SEMA3E: variants seen among roughly 807,000 people sequenced by gnomAD.
The protein encoded by SEMA3E is semaphorin-3E.
A neutral mutation model predicts 93.6 loss-of-function variants in SEMA3E; 49 were observed. The ratio of observed to expected loss-of-function variants is 0.52; its 90% CI spans 0.42 to 0.66. The LOEUF (loss-of-function observed/expected upper bound fraction) is 0.66, where lower values mean the gene tolerates loss of function less well. Among genes scored for constraint, SEMA3E ranks in the 30% least tolerant of loss-of-function variants. The pLI is 0.00. For missense variants in SEMA3E, 906 were observed against 964.8 expected (o/e 0.94, Z 0.81); for synonymous variants, 363 against 330.7 (o/e 1.10, Z -1.06).
At chr7:83,540,432 C>G (rs1430592331) in intron 1 of SEMA3E, among the ~76,000 whole-genome samples, 1 of 152,052 alleles carries the variant, frequency 6.6e-6, no homozygotes, top group East Asian at 1.9e-4. Flanking sequence ...GCTCTAAGAA[C>G]ATATATGATT....
At chr7:83,546,321 GGTGTGTGTGTGTGTGT>G (rs67647992) in intron 1 of SEMA3E, among the ~76,000 whole-genome samples, 3,311 of 129,464 alleles carry the variant, frequency 0.026, 140 homozygotes, top group African/African-American at 0.087. Flanking sequence ...TATAATAAGG[GGTGTGTGTGTGTGTGT>G]GTGTGTGTGT....
At chr7:83,636,526 T>G (rs1793885411) in intron 1 of SEMA3E, among the ~76,000 whole-genome samples, 1 of 152,166 alleles carries the variant, frequency 6.6e-6, no homozygotes, top group South Asian at 2.1e-4. Context: ...GTTTATTAGA[T>G]TCTAAGATTT....
chr7:83,514,332 T>C (rs1790885039), intron 1 of SEMA3E, among the ~76,000 whole-genome samples: 2 of 152,120 alleles, frequency 1.3e-5, no homozygotes, highest in African/African-American at 4.8e-5. Flanking sequence ...CACTTTGCAC[T>C]GCAGACTCGC....
rs1269586638 is a variant in SEMA3E at position 83,468,597 on chromosome 7, G to A, written c.336+646C>T. ...AAAAAGGTTAAGTTCACTTTCACAG[G>A]CAGATGTCTAGGACTTCCTCCAGGG... is the stretch of plus-strand genomic sequence containing the variant. On this transcript the variant is annotated intron_variant, in intron 3 of 16. Coordinates refer to ENST00000643230, the MANE Select transcript of SEMA3E (RefSeq NM_012431.3). 2.0e-5 allele frequency among the ~76,000 whole-genome samples: 3 copies of A among 151,776 alleles called. No individual in the cohort carries two copies. The East Asian group carries it at 5.8e-4, about 29-fold the overall frequency.
At chr7:83,372,029 C>A (rs1432892723) in intron 16 of SEMA3E, 3 of 368,324 alleles carry the variant, frequency 8.1e-6, no homozygotes, top group Non-Finnish European at 1.4e-5. Context: ...AGACCTATTT[C>A]TTTATTCTTC....
Position 83,521,607 on chromosome 7 carries a change from A to G in SEMA3E, c.116-31333T>C, listed in dbSNP as rs142613200. Among the ~76,000 whole-genome samples the G allele has an allele frequency of 3.1e-3, 476 of 152,226 alleles. 3 individuals are homozygous for G. Among genetic ancestry groups the G allele is most frequent in the African/African-American group, 8.2e-3 (340 of 41,538 alleles). Reference sequence around the variant, plus strand: ...AAAACAACAGAAATGTATTGTTTGCAGTTGTGGAGCCTGGGAAGTTCAAGA... The same window carrying G: ...AAAACAACAGAAATGTATTGTTTGCGGTTGTGGAGCCTGGGAAGTTCAAGA... On this transcript the variant is annotated intron_variant, in intron 1 of 16. Transcript: ENST00000643230.
At chr7:83,638,938 T>C (rs370648815) in intron 1 of SEMA3E, among the ~76,000 whole-genome samples, 2,064 of 149,948 alleles carry the variant, frequency 0.014, 44 homozygotes, top group African/African-American at 0.046. Flanking sequence ...GGTGAAACCC[T>C]GTCTCTACTA....
intron 1 of SEMA3E, among the ~76,000 whole-genome samples, chr7:83,525,986 A>G (rs1791150766): frequency 6.6e-6 from 1 of 151,552 alleles, no homozygotes; most frequent in South Asian, 2.1e-4. Flanking sequence ...CAGCATCAAT[A>G]TATTTCTTTA....
chr7:83,520,399 C>T (rs764805321), intron 1 of SEMA3E, among the ~76,000 whole-genome samples: 3 of 152,116 alleles, frequency 2.0e-5, no homozygotes, highest in Admixed American at 6.6e-5. Context: ...CATTTTCTCC[C>T]TTTCTCCATT....
intron 2 of SEMA3E, among the ~76,000 whole-genome samples, chr7:83,475,357 T>C (rs534229734): frequency 6.6e-6 from 1 of 152,286 alleles, no homozygotes; most frequent in South Asian, 2.1e-4. Flanking sequence ...ACGGCTTTTG[T>C]TCCAGAATAT....
chr7:83,420,855 CTAACTA>C (rs1169744009), intron 4 of SEMA3E, among the ~76,000 whole-genome samples: 3 of 105,762 alleles, frequency 2.8e-5, no homozygotes, highest in Admixed American at 8.9e-5. Context: ...TATAAGACCT[CTAACTA>C]TAAGAATCCT....
Position 83,400,212 on chromosome 7 carries a change from G to A in SEMA3E, c.1182C>T (p.Thr394=). The change falls in exon 11 of 17, where the codon ACC becomes ACT. Residue 394 remains threonine, a synonymous_variant. Transcript: ENST00000643230. ...SKVNGGRYGT[T]KDYPDDAIRF... ...GGATGGCATCATCAGGATAGTCCTT[G>A]GTGGTTCCGTATCTCCCTCCATTTA... The A allele has an allele frequency of 1.2e-6, 2 of 1,613,850 alleles. No homozygotes were observed. The highest frequency in any genetic ancestry group is 8.5e-7 in the Non-Finnish European group (1 of 1,179,920).
chr7:83,507,623 G>C (rs997670101), intron 1 of SEMA3E, among the ~76,000 whole-genome samples: 2 of 151,696 alleles, frequency 1.3e-5, no homozygotes, highest in African/African-American at 4.8e-5. Context: ...TTTGCAATAG[G>C]GAAAAGAAAC....
At chr7:83,457,226 GAC>G (rs1789503997) in intron 4 of SEMA3E, among the ~76,000 whole-genome samples, 1 of 149,588 alleles carries the variant, frequency 6.7e-6, no homozygotes, top group East Asian at 2.0e-4. Context: ...GACAGAGACA[GAC>G]AGAGAGAGAG....
At chr7:83,593,411 T>C (rs138891163) in intron 1 of SEMA3E, among the ~76,000 whole-genome samples, 1 of 151,064 alleles carries the variant, frequency 6.6e-6, no homozygotes, top group African/African-American at 2.4e-5. Context: ...CATTGTAGGA[T>C]TGGAAAGTAA....
intron 1 of SEMA3E, among the ~76,000 whole-genome samples, chr7:83,562,671 A>C (rs1792055841): frequency 1.3e-5 from 2 of 151,956 alleles, no homozygotes; most frequent in African/African-American, 4.8e-5. Flanking sequence ...GGCAGAGGAA[A>C]TTTGGTTTTA....
intron 1 of SEMA3E, among the ~76,000 whole-genome samples, chr7:83,610,950 C>T (rs1258098581): frequency 6.6e-6 from 1 of 152,032 alleles, no homozygotes; most frequent in African/African-American, 2.4e-5. Flanking sequence ...TCTCTTCCTC[C>T]ACTCCTTCAG....
intron 4 of SEMA3E, among the ~76,000 whole-genome samples, chr7:83,440,670 G>T (rs541986868): frequency 1.1e-4 from 17 of 152,134 alleles, no homozygotes; most frequent in African/African-American, 3.9e-4. Flanking sequence ...AAAATTAGCT[G>T]GGCATAGTGG....
rs1789437839 is a variant in SEMA3E at position 83,454,298 on chromosome 7, ATG to A, written c.456+12182_456+12183del. Among the ~76,000 whole-genome samples, 4 of 134,782 alleles carry A rather than the reference ATG, an allele frequency of 3.0e-5. No individual in the cohort carries two copies. In the South Asian group the frequency reaches 7.1e-4, roughly 24 times the overall value. 88.4% of individuals were successfully genotyped at this position (134,782 alleles called of 152,430 possible). ...ATATATATATATATATATATATATAATGTGTGTATATATATTTGATAAACAAG... is the reference window on the plus strand; with the variant it reads ...ATATATATATATATATATATATATAATGTGTATATATATTTGATAAACAAG... On this transcript the variant is annotated intron_variant, in intron 4 of 16. Transcript: ENST00000643230.
Sources: gnomAD v4.1 joint callset for allele counts (sites outside exome capture counted in the v4.1 genomes callset) on GRCh38, gnomAD v4.1.1 for gene constraint, MANE v1.5 for transcripts, NCBI Gene and HGNC (gene_info 2026-07-23, HGNC 2026-07-21) for gene names.